The following STRBP variants were observed in gnomAD, a reference collection of about 807,000 sequenced individuals.
The protein encoded by STRBP is spermatid perinuclear RNA binding protein.
Under a neutral mutation model 80.1 loss-of-function variants are expected in STRBP, and 13 were observed. That is an observed-to-expected ratio of 0.16 (90% CI 0.11 to 0.26). The LOEUF (loss-of-function observed/expected upper bound fraction) is 0.26. STRBP is among the 10% of genes least tolerant of loss of function. STRBP has a pLI of 1.00. For synonymous variants in STRBP, 284 were observed against 291.2 expected (o/e 0.98, Z 0.25); for missense variants, 485 against 815.2 (o/e 0.59, Z 4.93).
rs148643878 is a variant in STRBP at position 123,131,236 on chromosome 9, C to G, written c.1897+1609G>C. Among the ~76,000 whole-genome samples, 815 of 152,312 alleles carry G rather than the reference C, an allele frequency of 5.4e-3. 7 individuals carry two copies. The highest frequency in any genetic ancestry group is 0.019 in the African/African-American group (780 of 41,554). Reference sequence around the variant, plus strand: ...GTTCTTCACACTATAGAAAGACTAACCTTCACAAATAAAGTCTGATCTTGT... The same window carrying G: ...GTTCTTCACACTATAGAAAGACTAAGCTTCACAAATAAAGTCTGATCTTGT... On this transcript the variant is annotated intron_variant, in intron 17 of 18. Coordinates refer to ENST00000348403, the MANE Select transcript of STRBP (RefSeq NM_018387.5).
chr9:123,146,788 AG>A, intron 13 of STRBP, 66 bp downstream of exon 13: 1 of 1,306,302 alleles, frequency 7.7e-7, no homozygotes, highest in Non-Finnish European at 1.0e-6. Context: ...AATTTATTAT[AG>A]GAAAATAAGC....
chr9:123,204,741 C>T (rs903208841), intron 2 of STRBP, among the ~76,000 whole-genome samples: 5 of 150,484 alleles, frequency 3.3e-5, no homozygotes, highest in Non-Finnish European at 5.9e-5. Flanking sequence ...CACAGTAAAA[C>T]CCCGTCTCTA....
chr9:123,224,045 T>C (rs1405872575), intron 2 of STRBP, among the ~76,000 whole-genome samples: 3 of 152,150 alleles, frequency 2.0e-5, no homozygotes, highest in Non-Finnish European at 4.4e-5. Flanking sequence ...TCACAACATG[T>C]TTCAAAATTC....
chr9:123,232,575 C>A (rs2132582820), intron 2 of STRBP, among the ~76,000 whole-genome samples: 1 of 152,228 alleles, frequency 6.6e-6, no homozygotes. Context: ...AGGGTGGGGC[C>A]AGATTCTACC....
intron 17 of STRBP, among the ~76,000 whole-genome samples, chr9:123,132,106 C>T (rs989369329): frequency 6.6e-6 from 1 of 152,166 alleles, no homozygotes; most frequent in African/African-American, 2.4e-5. Flanking sequence ...AGAGGGCATT[C>T]TCCCAAATCT....
chr9:123,254,456 CAAAAAAA>C (rs1205708821), intron 1 of STRBP, among the ~76,000 whole-genome samples: 15 of 65,760 alleles, frequency 2.3e-4, no homozygotes, highest in African/African-American at 3.3e-4. Flanking sequence ...GACTCCGTCT[CAAAAAAA>C]AAAAAAAAAA....
chr9:123,231,135 G>C (rs905719611), intron 2 of STRBP, among the ~76,000 whole-genome samples: 1 of 152,120 alleles, frequency 6.6e-6, no homozygotes, highest in Admixed American at 6.5e-5. Flanking sequence ...TCTGGGGTGG[G>C]ATCCAGGTTA....
At chr9:123,141,496 G>C (rs1182023752) in intron 13 of STRBP, among the ~76,000 whole-genome samples, 1 of 152,066 alleles carries the variant, frequency 6.6e-6, no homozygotes, top group Non-Finnish European at 1.5e-5. Context: ...TGCTCTCCCT[G>C]AGAAATCTCA....
chr9:123,144,033 A>G (rs1028687082), intron 13 of STRBP, among the ~76,000 whole-genome samples: 5 of 152,056 alleles, frequency 3.3e-5, no homozygotes, highest in African/African-American at 1.2e-4. Flanking sequence ...CCCCGTCTCT[A>G]CTAAAAATAT....
At chr9:123,143,225 T>C (rs894979065) in intron 13 of STRBP, among the ~76,000 whole-genome samples, 1 of 152,196 alleles carries the variant, frequency 6.6e-6, no homozygotes, top group Non-Finnish European at 1.5e-5. Context: ...GATCTTTTCC[T>C]CACAATGACT....
chr9:123,161,047 G>T lies in STRBP; in HGVS notation c.557C>A (p.Pro186His). 1 of 1,600,690 alleles carries T rather than the reference G, an allele frequency of 6.2e-7. No individual in the cohort carries two copies. The highest frequency in any genetic ancestry group is 1.1e-5 in the South Asian group (1 of 88,598). Residue 186 changes from proline to histidine, a missense_variant, in exon 7 of 19, where the codon CCT (proline) becomes CAT (histidine). Transcript: ENST00000348403. ...KDGENVSMKD[P>H]PDLLDRQKCL... The stretch of plus-strand genomic sequence containing the variant: ...TTTCTGCCTGTCCAATAAGTCCGGA[G>T]GATCTTTCATCGAAACATTTTCTAA...
intron 6 of STRBP, among the ~76,000 whole-genome samples, chr9:123,162,410 A>C (rs185828359): frequency 3.3e-5 from 5 of 152,006 alleles, no homozygotes; most frequent in Admixed American, 6.6e-5. Context: ...TAGATATGGG[A>C]TCTCACTATG....
intron 1 of STRBP, among the ~76,000 whole-genome samples, chr9:123,258,773 C>T (rs1042083457): frequency 6.9e-6 from 1 of 144,650 alleles, no homozygotes; most frequent in African/African-American, 2.6e-5. Flanking sequence ...TGCACTCCAG[C>T]CTGGGTGACA....
intron 1 of STRBP, among the ~76,000 whole-genome samples, chr9:123,264,009 C>T (rs752389899): frequency 3.2e-4 from 49 of 152,224 alleles, no homozygotes; most frequent in Admixed American, 2.6e-4. Flanking sequence ...GAAACCCCGC[C>T]TCTACTAAAA....
intron 8 of STRBP, 33 bp from the exon 9 acceptor site, chr9:123,159,240 C>T (rs2037419339): frequency 2.1e-6 from 3 of 1,458,872 alleles, no homozygotes; most frequent in South Asian, 1.2e-5. Context: ...TTAGTACATG[C>T]ACCAAGTGTT....
At chr9:123,154,616 T>C (rs149575639) in intron 11 of STRBP, among the ~76,000 whole-genome samples, 191 of 152,330 alleles carry the variant, frequency 1.3e-3, no homozygotes, top group African/African-American at 4.2e-3. Context: ...ATATGTGCTA[T>C]ATCTCATTAT....
chr9:123,143,916 G>A (rs1325702747), intron 13 of STRBP, among the ~76,000 whole-genome samples: 7 of 152,010 alleles, frequency 4.6e-5, no homozygotes, highest in African/African-American at 1.4e-4. Context: ...AGAGAGTATC[G>A]GCTGGGCACA....
intron 2 of STRBP, among the ~76,000 whole-genome samples, chr9:123,209,293 CT>C (rs1426926243): frequency 6.6e-6 from 1 of 152,106 alleles, no homozygotes; most frequent in Admixed American, 6.5e-5. Context: ...GTGAGCATAA[CT>C]AGCCATTTAT....
chr9:123,242,096 C>T (rs1390006087), intron 1 of STRBP, among the ~76,000 whole-genome samples: 1 of 152,234 alleles, frequency 6.6e-6, no homozygotes, highest in Non-Finnish European at 1.5e-5. Flanking sequence ...TCTTTCTTGA[C>T]ATTCAGATCT....
Sources: gnomAD v4.1 joint callset for allele counts (sites outside exome capture counted in the v4.1 genomes callset) on GRCh38, gnomAD v4.1.1 for gene constraint, MANE v1.5 for transcripts, NCBI Gene and HGNC (gene_info 2026-07-23, HGNC 2026-07-21) for gene names.